The following IPO7 variants were observed in gnomAD, a reference collection of about 807,000 sequenced individuals.
IPO7 encodes the protein importin 7.
IPO7 carries 13 observed loss-of-function variants against 136.4 expected under a neutral mutation model. That is an observed-to-expected ratio of 0.10 (90% CI 0.06 to 0.15). The LOEUF is 0.15. Ranked by LOEUF, IPO7 falls within the 10% of genes least tolerant of loss-of-function variation. The pLI is 1.00. For synonymous variants in IPO7, 403 were observed against 404.4 expected (o/e 1.00, Z 0.04); for missense variants, 857 against 1,240.6 (o/e 0.69, Z 4.65).
intron 1 of IPO7, among the ~76,000 whole-genome samples, chr11:9,386,158 G>A (rs1854549566): frequency 1.3e-5 from 2 of 152,188 alleles, no homozygotes; most frequent in Admixed American, 6.5e-5. Flanking sequence ...AGTTCAAGAA[G>A]ACTACCTACA....
intron 20 of IPO7, among the ~76,000 whole-genome samples, chr11:9,436,889 T>A (rs1267048571): frequency 2.0e-5 from 2 of 99,054 alleles, no homozygotes; most frequent in Non-Finnish European, 2.0e-5. Flanking sequence ...TTTTTTTTTT[T>A]TTTTTTTTTT....
rs2305501 is a variant in IPO7 at position 9,430,871 on chromosome 11, C to T, written c.1753-4C>T. 143 of 1,610,656 alleles carry T rather than the reference C, an allele frequency of 8.9e-5. No homozygotes were observed. The East Asian group carries it at 3.1e-3, about 35-fold the overall frequency. On this transcript the variant is annotated splice_region_variant and splice_polypyrimidine_tract_variant and intron_variant, in intron 15 of 24. Coordinates refer to ENST00000379719, the MANE Select transcript of IPO7 (RefSeq NM_006391.3). ...AAACTTGAGTTATATTCTCTTGAAT[C>T]TAGGCAATGACATTTAACCAAGTAA...
chr11:9,403,637 C>T, intron 2 of IPO7: 1 of 368,144 alleles, frequency 2.7e-6, no homozygotes, highest in South Asian at 4.3e-5. Context: ...TTTTTAGAGT[C>T]CTTCCCTGAT....
rs966205340 is a variant in IPO7, at chr11:9,430,692, A to G, written c.1753-183A>G. On this transcript the variant is annotated intron_variant, in intron 15 of 24. Coordinates refer to ENST00000379719, the MANE Select transcript of IPO7 (RefSeq NM_006391.3). ...CAAGAGAAGTCAAGTAGCTTGTTTA[A>G]GGTCACCCAATGAGCAGACTATTTG... The G allele has an allele frequency of 1.6e-5, 9 of 555,682 alleles. No homozygotes were observed. The East Asian group carries it at 2.6e-4, about 16-fold the overall frequency. The allele number at this position is 555,682 out of a possible 1,614,324, so 34.4% of individuals were successfully genotyped here.
intron 22 of IPO7, among the ~76,000 whole-genome samples, chr11:9,440,004 T>G (rs527372093): frequency 6.6e-6 from 1 of 152,372 alleles, no homozygotes; most frequent in South Asian, 2.1e-4. Context: ...TATAACATTA[T>G]GTTAATTAAA....
At position 9,384,756 on chromosome 11, in the gene IPO7, G is replaced by A. The variant is rs1357643115; in HGVS notation, c.-8G>A. The A allele has an allele frequency of 9.4e-6, 15 of 1,594,678 alleles. No individual in the cohort carries two copies. Among genetic ancestry groups the A allele is most frequent in the African/African-American group, 1.3e-5 (1 of 74,092 alleles). The stretch of plus-strand genomic sequence containing the variant: ...CCGAGCCCCGGGTTTGACCGAGTCC[G>A]CGCTGCGATGGACCCCAACACCATT... On this transcript the variant is annotated 5_prime_UTR_variant, in exon 1 of 25. Coordinates refer to ENST00000379719, the MANE Select transcript of IPO7 (RefSeq NM_006391.3).
intron 24 of IPO7, among the ~76,000 whole-genome samples, chr11:9,442,721 T>C (rs1049185787): frequency 4.7e-4 from 72 of 151,748 alleles, no homozygotes; most frequent in African/African-American, 1.7e-3. Context: ...CCCCAGTTTG[T>C]TTATTTTTAA....
At position 9,419,559 on chromosome 11, in the gene IPO7, A is replaced by AAATAT. The variant is rs1256216265; in HGVS notation, c.727-851_727-850insATATA. ...GAGACTCTGTCTAAAAAAAAAAAAA[A>AAATAT]ATATATATATATATATATATATATA... On this transcript the variant is annotated intron_variant, in intron 6 of 24. Transcript: ENST00000379719. 1.3e-3 allele frequency among the ~76,000 whole-genome samples: 153 copies of AAATAT among 116,822 alleles called. 1 individual carries two copies. Among genetic ancestry groups the AAATAT allele is most frequent in the East Asian group, 4.1e-3 (17 of 4,120 alleles). The allele number at this position is 116,822 out of a possible 152,430, so 76.6% of individuals were successfully genotyped here. A position where few individuals can be genotyped will look rare whatever the true frequency, so the allele number is the denominator to read the frequency against.
At position 9,416,031 on chromosome 11, in the gene IPO7, T is replaced by G. The variant is rs568698991; in HGVS notation, c.637-1028T>G. Among the ~76,000 whole-genome samples, 33 of 152,234 alleles carry G rather than the reference T, an allele frequency of 2.2e-4. 1 individual carries two copies. Among genetic ancestry groups the G allele is most frequent in the Middle Eastern group, 3.4e-3 (1 of 294 alleles). On this transcript the variant is annotated intron_variant, in intron 5 of 24. Transcript: ENST00000379719. ...ATACCATTACATTTAAAAATCTCATTTAAATAAATCAGAGCCAGGCACAGT... is the reference window on the plus strand; with the variant it reads ...ATACCATTACATTTAAAAATCTCATGTAAATAAATCAGAGCCAGGCACAGT...
chr11:9,407,018 T>TGA (rs2133735146), intron 2 of IPO7, among the ~76,000 whole-genome samples: 1 of 152,364 alleles, frequency 6.6e-6, no homozygotes, highest in Admixed American at 6.5e-5. Context: ...GACTGAATCA[T>TGA]GAGATCCTTA....
intron 16 of IPO7, among the ~76,000 whole-genome samples, chr11:9,432,573 A>C (rs184670043): frequency 5.3e-5 from 8 of 152,274 alleles, no homozygotes; most frequent in Non-Finnish European, 7.4e-5. Context: ...TAGGTGCTTT[A>C]TGTTTTAACA....
At chr11:9,418,968 A>T (rs1414314407) in intron 6 of IPO7, among the ~76,000 whole-genome samples, 1 of 152,232 alleles carries the variant, frequency 6.6e-6, no homozygotes, top group Non-Finnish European at 1.5e-5. Context: ...GCTGAGCGGT[A>T]TCCCATTGTA....
At chr11:9,434,429 A>C (rs942355046) in intron 18 of IPO7, among the ~76,000 whole-genome samples, 1 of 152,198 alleles carries the variant, frequency 6.6e-6, no homozygotes, top group African/African-American at 2.4e-5. Context: ...TATAATTTTT[A>C]TGTTTAAGTA....
intron 12 of IPO7, among the ~76,000 whole-genome samples, chr11:9,428,115 G>A (rs559068539): frequency 7.3e-4 from 109 of 150,220 alleles, no homozygotes; most frequent in African/African-American, 2.5e-3. Context: ...GCAAGACTCC[G>A]TCTCAAAAAA....
In IPO7 at chr11:9,420,673, A is replaced by G. The variant is rs1233048292; in HGVS notation, c.881A>G (p.Lys294Arg). 1.9e-6 allele frequency: 3 copies of G among 1,612,794 alleles called. No individual in the cohort carries two copies. The highest frequency in any genetic ancestry group is 2.5e-6 in the Non-Finnish European group (3 of 1,179,032). Residue 294 changes from lysine to arginine, a missense_variant, in exon 8 of 25, where the codon AAG becomes AGG. This residue lies in a region of IPO7 where 287 missense variants were observed against 307.5 expected (regional missense o/e 0.93). Transcript: ENST00000379719. Reference protein sequence around the residue: ...EYNEFAEVFLKAFAVGVQQVL... With the variant: ...EYNEFAEVFLRAFAVGVQQVL... ...AATGAATTTGCTGAAGTATTTCTGA[A>G]GGCATTTGCTGTTGGTGTCCAGCAA... is the stretch of plus-strand genomic sequence containing the variant.
At chr11:9,419,395 A>G (rs1175279300) in intron 6 of IPO7, among the ~76,000 whole-genome samples, 1 of 151,098 alleles carries the variant, frequency 6.6e-6, no homozygotes, top group Non-Finnish European at 1.5e-5. Context: ...TAAAAATACA[A>G]ACATTAGCTG....
intron 4 of IPO7, among the ~76,000 whole-genome samples, chr11:9,412,846 C>A (rs1038490729): frequency 6.7e-6 from 1 of 149,220 alleles, no homozygotes; most frequent in East Asian, 1.9e-4. Flanking sequence ...AAAAAGGATA[C>A]TGGAATTGCT....
At chr11:9,399,588 GAAGT>G (rs1327430369) in intron 1 of IPO7, among the ~76,000 whole-genome samples, 1 of 152,172 alleles carries the variant, frequency 6.6e-6, no homozygotes, top group Admixed American at 6.5e-5. Flanking sequence ...ATGGTGCAGG[GAAGT>G]AGAGTAATAA....
At position 9,416,455 on chromosome 11, in the gene IPO7, A is replaced by T. The variant is rs184123005; in HGVS notation, c.637-604A>T. On this transcript the variant is annotated intron_variant, in intron 5 of 24. Coordinates refer to ENST00000379719, the MANE Select transcript of IPO7 (RefSeq NM_006391.3). Reference sequence around the variant, plus strand: ...GTCTTTTTGAAAACTATCATAGGGCATAGGGAATAGGACAAAATACTTTCT... The same window carrying T: ...GTCTTTTTGAAAACTATCATAGGGCTTAGGGAATAGGACAAAATACTTTCT... Among the ~76,000 whole-genome samples, 402 of 152,338 alleles carry T rather than the reference A, an allele frequency of 2.6e-3. 1 individual carries two copies. Among genetic ancestry groups the T allele is most frequent in the Non-Finnish European group, 4.5e-3 (303 of 68,030 alleles).
Sources: gnomAD v4.1 joint callset for allele counts (sites outside exome capture counted in the v4.1 genomes callset) on GRCh38, gnomAD v4.1.1 for gene constraint, gnomAD v4.1.1 regional missense constraint, MANE v1.5 for transcripts, NCBI Gene and HGNC (gene_info 2026-07-23, HGNC 2026-07-21) for gene names.